Variants in PSME3IP1 observed in about 807,000 individuals in gnomAD.
PSME3IP1 encodes the protein proteasome activator subunit 3 interacting protein 1.
In PSME3IP1, 13 loss-of-function variants were observed where a neutral mutation model predicts 34.1. The ratio of observed to expected loss-of-function variants is 0.38; its 90% confidence interval spans 0.25 to 0.61. The LOEUF (loss-of-function observed/expected upper bound fraction) is 0.61, where lower values mean the gene tolerates loss of function less well. PSME3IP1 is among the 20% of genes least tolerant of loss of function. The probability of loss-of-function intolerance (pLI) is 0.60; values close to 1 mark genes in which losing one functional copy is unlikely to be tolerated. For missense variants in PSME3IP1, 237 were observed against 301.4 expected (o/e 0.79, Z 1.58); for synonymous variants, 93 against 114.3 (o/e 0.81, Z 1.19).
At chr16:57,178,107 A>C (rs1267128480) in intron 1 of PSME3IP1, among the ~76,000 whole-genome samples, 1 of 152,250 alleles carries the variant, frequency 6.6e-6, no homozygotes, top group African/African-American at 2.4e-5. Context: ...AATTTCTGTA[A>C]GTTTAAAAAG....
At position 57,168,522 on chromosome 16, in the gene PSME3IP1, C is replaced by G. The variant is rs113539402; in HGVS notation, c.349-1296G>C. Among the ~76,000 whole-genome samples, 543 of 151,626 alleles carry G rather than the reference C, an allele frequency of 3.6e-3. 4 individuals are homozygous for G. The highest frequency in any genetic ancestry group is 0.013 in the African/African-American group (531 of 41,370). On this transcript the variant is annotated intron_variant, in intron 4 of 6. Coordinates refer to ENST00000309137, the MANE Select transcript of PSME3IP1 (RefSeq NM_024946.4). ...TTTTATTTAAAAAAAAATAGATTGG[C>G]CAGGCACAGTGGCTCATGCCTGTAA...
intron 5 of PSME3IP1, among the ~76,000 whole-genome samples, chr16:57,165,532 T>C (rs1409427561): frequency 7.9e-5 from 12 of 152,214 alleles, no homozygotes; most frequent in African/African-American, 2.7e-4. Flanking sequence ...TTATGCTTCA[T>C]GACATATACA....
intron 1 of PSME3IP1, 155 bp from the exon 2 acceptor site, chr16:57,174,024 G>T: frequency 1.4e-6 from 1 of 726,032 alleles, no homozygotes; most frequent in Non-Finnish European, 2.2e-6. Context: ...GGCCGGGTGC[G>T]GTGGCTCATG....
At chr16:57,171,718 G>A (rs1342464174) in intron 4 of PSME3IP1, among the ~76,000 whole-genome samples, 1 of 152,112 alleles carries the variant, frequency 6.6e-6, no homozygotes, top group Non-Finnish European at 1.5e-5. Context: ...TGAGAGTGGG[G>A]GTGATGTGGC....
intron 2 of PSME3IP1, 24 bp downstream of exon 2, chr16:57,173,704 A>G (rs1371621115): frequency 6.2e-7 from 1 of 1,612,570 alleles, no homozygotes; most frequent in South Asian, 1.1e-5. Context: ...ATTAAAGACC[A>G]TTATACTGAC....
chr16:57,181,989 G>A (rs2073757514), intron 1 of PSME3IP1, among the ~76,000 whole-genome samples: 1 of 152,134 alleles, frequency 6.6e-6, no homozygotes, highest in Non-Finnish European at 1.5e-5. Context: ...CAGTGACGCT[G>A]GTGGTCATCA....
chr16:57,179,813 T>G lies in PSME3IP1; in HGVS notation c.-15-5944A>C, dbSNP rs117324841. Among the ~76,000 whole-genome samples, 1,217 of 152,324 alleles carry G rather than the reference T, an allele frequency of 8.0e-3. 4 individuals carry two copies. The highest frequency in any genetic ancestry group is 0.013 in the Admixed American group (205 of 15,296). The stretch of plus-strand genomic sequence containing the variant: ...TTTCCTTTTGTGAGTAAATATAGAT[T>G]ATTGCTTTCCAACATTTTTTACTCT... On this transcript the variant is annotated intron_variant, in intron 1 of 6. Coordinates refer to ENST00000309137, the MANE Select transcript of PSME3IP1 (RefSeq NM_024946.4).
chr16:57,160,830 T>C (rs1361283528), intron 6 of PSME3IP1, among the ~76,000 whole-genome samples: 3 of 152,250 alleles, frequency 2.0e-5, no homozygotes, highest in South Asian at 4.1e-4. Flanking sequence ...CAGTATATAA[T>C]GTATTCTTGC....
chr16:57,163,574 G>A (rs559344511), intron 6 of PSME3IP1, among the ~76,000 whole-genome samples: 1 of 152,334 alleles, frequency 6.6e-6, no homozygotes, highest in East Asian at 1.9e-4. Context: ...TATACTCCTT[G>A]AGATTGTATT....
chr16:57,184,490 T>G (rs2073991918), intron 1 of PSME3IP1, among the ~76,000 whole-genome samples: 1 of 152,212 alleles, frequency 6.6e-6, no homozygotes, highest in Non-Finnish European at 1.5e-5. Context: ...AACAACATAT[T>G]CTATAGTAAA....
chr16:57,154,249 T>A lies in PSME3IP1; in HGVS notation c.*41A>T. The A allele has an allele frequency of 6.3e-7, 1 of 1,587,750 alleles. No individual in the cohort carries two copies. The highest frequency in any genetic ancestry group is 8.6e-7 in the Non-Finnish European group (1 of 1,156,898). On this transcript the variant is annotated 3_prime_UTR_variant, in exon 7 of 7. Transcript: ENST00000309137. The surrounding 1 kb of genome is among the most constrained non-coding windows in gnomAD (Gnocchi z 4.0). ...CCTATAGGCAGCATGAACGGTCCGA[T>A]CTACCCTTGGGGAGGAGCTCCCTGT...
intron 1 of PSME3IP1, 122 bp from the exon 2 acceptor site, chr16:57,173,991 A>C: frequency 9.3e-7 from 1 of 1,079,422 alleles, no homozygotes; most frequent in Non-Finnish European, 1.3e-6. Context: ...ATTATCTTCC[A>C]ACTTTGAATT....
chr16:57,174,769 T>C (rs1314403821), intron 1 of PSME3IP1: 2 of 808,870 alleles, frequency 2.5e-6, no homozygotes, highest in Admixed American at 6.2e-5. Context: ...CAGTTCCACG[T>C]ACTTTCCTGA....
At chr16:57,173,909 T>C in intron 1 of PSME3IP1, 40 bp from the exon 2 acceptor site, 1 of 1,580,856 alleles carries the variant, frequency 6.3e-7, no homozygotes, top group Non-Finnish European at 8.6e-7. Flanking sequence ...TCATTTCAAG[T>C]GAGAACTGCA....
intron 6 of PSME3IP1, among the ~76,000 whole-genome samples, chr16:57,162,090 C>T (rs1170333328): frequency 1.3e-5 from 2 of 151,970 alleles, no homozygotes; most frequent in Non-Finnish European, 2.9e-5. Flanking sequence ...TTAGTAGAGA[C>T]AGGGTTTCTC....
chr16:57,174,406 C>T (rs965798381), intron 1 of PSME3IP1: 1 of 978,036 alleles, frequency 1.0e-6, no homozygotes, highest in Middle Eastern at 5.3e-4. Flanking sequence ...GTTATCTACA[C>T]AGTTGGCAAG....
In PSME3IP1 at chr16:57,167,007, C is replaced by G. The variant is rs1330300859; in HGVS notation, c.482+86G>C. The G allele has an allele frequency of 5.3e-6, 8 of 1,512,684 alleles. No homozygotes were observed. In the African/African-American group the frequency reaches 1.1e-4, roughly 21 times the overall value. 93.7% of individuals were successfully genotyped at this position (1,512,684 alleles called of 1,614,324 possible). ...GAACTTCACCAGGACTCACGCGAGGCAAGCGTTGGCTCTGGCTTCCATTAC... is the reference window on the plus strand; with the variant it reads ...GAACTTCACCAGGACTCACGCGAGGGAAGCGTTGGCTCTGGCTTCCATTAC... On this transcript the variant is annotated intron_variant, in intron 5 of 6. Transcript: ENST00000309137.
At chr16:57,170,958 A>C (rs542799716) in intron 4 of PSME3IP1, among the ~76,000 whole-genome samples, 2 of 152,258 alleles carry the variant, frequency 1.3e-5, no homozygotes, top group East Asian at 3.9e-4. Context: ...CTGTAACCCC[A>C]GCTACTTGGG....
At chr16:57,162,443 T>G (rs1461610844) in intron 6 of PSME3IP1, among the ~76,000 whole-genome samples, 16 of 151,890 alleles carry the variant, frequency 1.1e-4, no homozygotes, top group Non-Finnish European at 1.6e-4. Flanking sequence ...GGCAGGTGGA[T>G]CACTTGAGGC....
Sources: allele counts gnomAD v4.1 joint callset (sites outside exome capture counted in the v4.1 genomes callset), GRCh38; gene constraint gnomAD v4.1.1; non-coding constraint Gnocchi (gnomAD v3.1); transcripts MANE v1.5; gene names NCBI Gene and HGNC (gene_info 2026-07-23, HGNC 2026-07-21).